Variants in PDILT observed in about 807,000 individuals in gnomAD.
PDILT encodes the protein protein disulfide isomerase like, testis expressed.
PDILT carries 43 observed loss-of-function variants against 53.7 expected under a neutral mutation model. That is an observed-to-expected ratio of 0.80 (90% CI 0.63 to 1.03). The LOEUF (loss-of-function observed/expected upper bound fraction) is 1.03. Among genes scored for constraint, PDILT ranks in the 50% least tolerant of loss-of-function variants. The pLI is 0.00. For missense variants in PDILT, 727 were observed against 712.3 expected (o/e 1.02, Z -0.24); for synonymous variants, 282 against 274.2 (o/e 1.03, Z -0.28).
At chr16:20,361,836 C>G (rs1596576000) in intron 10 of PDILT, among the ~76,000 whole-genome samples, 1 of 152,176 alleles carries the variant, frequency 6.6e-6, no homozygotes, top group Non-Finnish European at 1.5e-5. Context: ...TCTTCCTCCC[C>G]CTTGATTTCA....
intron 10 of PDILT, 90 bp downstream of exon 10, chr16:20,362,314 T>C (rs993939154): frequency 1.4e-6 from 2 of 1,384,098 alleles, no homozygotes; most frequent in African/African-American, 1.4e-5. Flanking sequence ...ACTGGTTTGG[T>C]AGAAAGCGCA....
At chr16:20,384,389 A>C (rs1966502036) in intron 3 of PDILT, among the ~76,000 whole-genome samples, 1 of 152,152 alleles carries the variant, frequency 6.6e-6, no homozygotes, top group Admixed American at 6.5e-5. Flanking sequence ...TGTGAATAGA[A>C]GTGATACTTA....
intron 2 of PDILT, among the ~76,000 whole-genome samples, chr16:20,386,267 C>T (rs1214308074): frequency 6.6e-6 from 1 of 152,048 alleles, no homozygotes; most frequent in Non-Finnish European, 1.5e-5. Context: ...TAAAAGGCGC[C>T]CAAGTGTGCC....
intron 10 of PDILT, among the ~76,000 whole-genome samples, chr16:20,361,436 G>C (rs1339710691): frequency 1.3e-5 from 2 of 151,970 alleles, no homozygotes; most frequent in East Asian, 1.9e-4. Context: ...AACTGCCTCA[G>C]GCTCCCAACG....
chr16:20,400,562 C>T (rs1308862616), intron 1 of PDILT, among the ~76,000 whole-genome samples: 1 of 151,872 alleles, frequency 6.6e-6, no homozygotes, highest in African/African-American at 2.4e-5. Context: ...GGTCTGGATA[C>T]CTACATGTTT....
At chr16:20,404,106 TC>T (rs34487235) in intron 1 of PDILT, among the ~76,000 whole-genome samples, 1 of 152,218 alleles carries the variant, frequency 6.6e-6, no homozygotes, top group Non-Finnish European at 1.5e-5. Context: ...AGCTGTTTTC[TC>T]CCCTTCAGAA....
chr16:20,388,912 CA>C (rs34766105), intron 2 of PDILT: 17,200 of 135,998 alleles, frequency 0.13, 1,035 homozygotes, highest in African/African-American at 0.18. Flanking sequence ...AACTTCATCT[CA>C]AAAAAAAAAA....
chr16:20,376,321 A>C, intron 3 of PDILT, 120 bp from the exon 4 acceptor site: 1 of 1,207,668 alleles, frequency 8.3e-7, no homozygotes, highest in Non-Finnish European at 1.1e-6. Context: ...CACCCCTTGA[A>C]GGCCAAAGTC....
chr16:20,368,363 A>G (rs1157234731), intron 8 of PDILT, among the ~76,000 whole-genome samples: 2 of 152,150 alleles, frequency 1.3e-5, no homozygotes, highest in Non-Finnish European at 2.9e-5. Flanking sequence ...GATCCAAGGC[A>G]TCTGGGGTTT....
intron 2 of PDILT, among the ~76,000 whole-genome samples, chr16:20,393,047 G>A (rs1456084236): frequency 6.6e-6 from 1 of 152,204 alleles, no homozygotes; most frequent in Non-Finnish European, 1.5e-5. Flanking sequence ...GAGGGTCTCA[G>A]ATTAGAAATT....
At chr16:20,362,941 G>A (rs549951950) in intron 9 of PDILT, among the ~76,000 whole-genome samples, 8 of 151,528 alleles carry the variant, frequency 5.3e-5, no homozygotes, top group Non-Finnish European at 1.0e-4. Flanking sequence ...GCATGATGGC[G>A]TGCACCTGTA....
At chr16:20,396,628 C>T (rs1439547843) in intron 2 of PDILT, among the ~76,000 whole-genome samples, 1 of 152,230 alleles carries the variant, frequency 6.6e-6, no homozygotes, top group Non-Finnish European at 1.5e-5. Context: ...CACTCAGCTG[C>T]TGCAGTTGAA....
At chr16:20,366,211 T>C (rs1441217288) in intron 8 of PDILT, among the ~76,000 whole-genome samples, 5 of 151,932 alleles carry the variant, frequency 3.3e-5, no homozygotes, top group African/African-American at 4.8e-5. Context: ...ATAAAGGAAG[T>C]CTTCTCTTTT....
intron 2 of PDILT, among the ~76,000 whole-genome samples, chr16:20,398,589 C>T (rs1039038687): frequency 6.6e-6 from 1 of 152,144 alleles, no homozygotes; most frequent in African/African-American, 2.4e-5. Flanking sequence ...TGGGATTATG[C>T]CACTGCACTC....
intron 11 of PDILT, among the ~76,000 whole-genome samples, chr16:20,359,956 T>C (rs1414855453): frequency 1.3e-5 from 2 of 152,164 alleles, no homozygotes; most frequent in African/African-American, 2.4e-5. Flanking sequence ...GGGAGGATGA[T>C]AGTTTGGAGC....
intron 7 of PDILT, among the ~76,000 whole-genome samples, chr16:20,370,989 C>T (rs562728818): frequency 7.9e-5 from 12 of 152,362 alleles, no homozygotes; most frequent in Non-Finnish European, 1.3e-4. Flanking sequence ...CAGCCGCCCT[C>T]GGGGCTGCTC....
At chr16:20,389,700 T>A (rs1966585426) in intron 2 of PDILT, among the ~76,000 whole-genome samples, 1 of 152,122 alleles carries the variant, frequency 6.6e-6, no homozygotes, top group African/African-American at 2.4e-5. Flanking sequence ...CTGATGGACC[T>A]AGAATTAACG....
At chr16:20,394,700 C>T (rs1302631308) in intron 2 of PDILT, among the ~76,000 whole-genome samples, 3 of 152,232 alleles carry the variant, frequency 2.0e-5, no homozygotes, top group Non-Finnish European at 4.4e-5. Flanking sequence ...ATGGCCTACA[C>T]ATTGAGTAGC....
intron 3 of PDILT, among the ~76,000 whole-genome samples, chr16:20,376,700 T>C (rs1966393679): frequency 6.6e-6 from 1 of 152,204 alleles, no homozygotes. Flanking sequence ...CCTATTATCT[T>C]CCTGCAGCCC....
Sources: gnomAD v4.1 joint callset for allele counts (sites outside exome capture counted in the v4.1 genomes callset) on GRCh38, gnomAD v4.1.1 for gene constraint, MANE v1.5 for transcripts, NCBI Gene and HGNC (gene_info 2026-07-23, HGNC 2026-07-21) for gene names.